Variants in HNRNPM observed in about 807,000 individuals in gnomAD.
HNRNPM encodes the protein heterogeneous nuclear ribonucleoprotein M.
In HNRNPM, 11 loss-of-function variants were observed where a neutral mutation model predicts 73.1. The observed-to-expected ratio is 0.15, with a 90% CI of 0.09 to 0.25. HNRNPM has a LOEUF of 0.25. Ranked by LOEUF, HNRNPM falls within the 10% of genes least tolerant of loss-of-function variation. The pLI is 1.00. For synonymous variants in HNRNPM, 407 were observed against 355.2 expected, an observed-to-expected ratio of 1.15 and a Z score of -1.64; for missense variants, 789 against 1,067.9, an observed-to-expected ratio of 0.74 and a Z score of 3.64.
In HNRNPM at chr19:8,467,550, A is replaced by G; in HGVS notation, c.800A>G (p.Gln267Arg). 6.2e-7 allele frequency: 1 copy of G among 1,612,748 alleles called. No homozygotes were observed. The highest frequency in any genetic ancestry group is 8.5e-7 in the Non-Finnish European group (1 of 1,178,698). The stretch of plus-strand genomic sequence containing the variant: ...GTAATACCAGCTATGTTCAATGGCC[A>G]GCTGCTATTTGATAGACCAATGCAC... The part of the protein sequence containing the change: ...AVQAISMFNG[Q>R]LLFDRPMHVK... Residue 267 changes from glutamine (Q) to arginine (R), a missense_variant, in exon 8 of 16, where the codon CAG becomes CGG. Around this residue, in one of 4 missense-constraint regions of HNRNPM, gnomAD observed 604 missense variants for 744.0 expected, o/e 0.81. Coordinates refer to ENST00000325495, the MANE Select transcript of HNRNPM (RefSeq NM_005968.5).
chr19:8,475,071 T>C (rs1568288641), intron 12 of HNRNPM, among the ~76,000 whole-genome samples: 1 of 152,244 alleles, frequency 6.6e-6, no homozygotes, highest in Non-Finnish European at 1.5e-5. Context: ...TAGTATTTCA[T>C]TTAGTCCTTG....
At chr19:8,463,752 G>T in intron 5 of HNRNPM, 66 bp downstream of exon 5, 1 of 1,103,434 alleles carries the variant, frequency 9.1e-7, no homozygotes, top group Non-Finnish European at 1.4e-6. Flanking sequence ...TTGGAATTAG[G>T]GAAAGACGGT....
At chr19:8,473,773 TTTCTTTC>T in intron 11 of HNRNPM, 65 bp downstream of exon 11, 1 of 1,038,046 alleles carries the variant, frequency 9.6e-7, no homozygotes, top group Non-Finnish European at 1.5e-6. Flanking sequence ...TCTTTCCTCT[TTTCTTTC>T]TTGTTTAAAC....
Position 8,445,413 on chromosome 19 carries a change from C to G in HNRNPM, c.113+302C>G, listed in dbSNP as rs188346748. The G allele has an allele frequency of 3.7e-3, 1,050 of 283,760 alleles. 6 individuals are homozygous for G. The highest frequency in any genetic ancestry group is 5.4e-3 in the Admixed American group (103 of 19,054). The allele number at this position is 283,760 out of a possible 1,614,324, so 17.6% of individuals were successfully genotyped here. A position where few individuals can be genotyped will look rare whatever the true frequency, so the allele number is the denominator to read the frequency against. Reference sequence around the variant, plus strand: ...CGCATGGGGGTTGATGGCGCGGGCCCGGACCGGAGAGCCTCCGAGGCCTAC... The same window carrying G: ...CGCATGGGGGTTGATGGCGCGGGCCGGGACCGGAGAGCCTCCGAGGCCTAC... On this transcript the variant is annotated intron_variant, in intron 1 of 15. Coordinates refer to ENST00000325495, the MANE Select transcript of HNRNPM (RefSeq NM_005968.5).
intron 2 of HNRNPM, among the ~76,000 whole-genome samples, chr19:8,456,864 A>G (rs780205778): frequency 1.1e-4 from 16 of 152,128 alleles, no homozygotes; most frequent in African/African-American, 2.7e-4. Context: ...ATTCCTGCCA[A>G]TGCTCCTAGG....
At chr19:8,465,014 C>T (rs1370378537) in intron 5 of HNRNPM, among the ~76,000 whole-genome samples, 2 of 152,204 alleles carry the variant, frequency 1.3e-5, no homozygotes, top group East Asian at 3.9e-4. Flanking sequence ...GCTCTAATTT[C>T]AGTCTGGCGG....
intron 5 of HNRNPM, among the ~76,000 whole-genome samples, chr19:8,464,686 A>C (rs181189208): frequency 6.6e-6 from 1 of 152,158 alleles, no homozygotes; most frequent in Non-Finnish European, 1.5e-5. Context: ...GAGGAAGATG[A>C]GTAGATTCAG....
At chr19:8,488,652 C>T (rs771427264) in intron 15 of HNRNPM, 39 bp from the exon 16 acceptor site, 28 of 1,579,382 alleles carry the variant, frequency 1.8e-5, no homozygotes, top group African/African-American at 4.1e-5. Context: ...CTAACAAAAT[C>T]GGGACTGAGT....
intron 12 of HNRNPM, 108 bp from the exon 13 acceptor site, chr19:8,483,050 A>G (rs1179677997): frequency 7.1e-6 from 5 of 707,258 alleles, no homozygotes; most frequent in East Asian, 2.6e-5. Flanking sequence ...CTTTCCCTTT[A>G]TCTTGTCATT....
chr19:8,465,290 C>T (rs1427593047), intron 5 of HNRNPM, 34 bp from the exon 6 acceptor site: 2 of 1,541,878 alleles, frequency 1.3e-6, no homozygotes, highest in Non-Finnish European at 8.8e-7. Context: ...TGTACTGGGT[C>T]AGTTAAACGT....
chr19:8,473,611 G>A (rs750371555), intron 10 of HNRNPM, 53 bp from the exon 11 acceptor site: 12 of 1,111,434 alleles, frequency 1.1e-5, no homozygotes, highest in Admixed American at 3.7e-5. Context: ...AAGTTCAAAC[G>A]TTATTTACTG....
intron 2 of HNRNPM, among the ~76,000 whole-genome samples, chr19:8,459,502 G>T (rs145434669): frequency 1.4e-4 from 21 of 152,162 alleles, no homozygotes; most frequent in Non-Finnish European, 2.8e-4. Context: ...CAATAGAGTG[G>T]CAGCCTGAGA....
At chr19:8,475,819 A>G (rs1055238882) in intron 12 of HNRNPM, among the ~76,000 whole-genome samples, 6 of 151,892 alleles carry the variant, frequency 4.0e-5, no homozygotes, top group Admixed American at 2.0e-4. Context: ...TGTAATCCCA[A>G]CACTTTGGGA....
chr19:8,453,839 G>A (rs1329304564), intron 1 of HNRNPM, among the ~76,000 whole-genome samples: 1 of 152,210 alleles, frequency 6.6e-6, no homozygotes, highest in Non-Finnish European at 1.5e-5. Context: ...GCCAGTGCCC[G>A]GGCTTCCAAG....
At chr19:8,461,998 G>A (rs1449371409) in intron 2 of HNRNPM, 1 of 153,722 alleles carries the variant, frequency 6.5e-6, no homozygotes, top group Non-Finnish European at 1.5e-5. Flanking sequence ...GCCCCTGAGT[G>A]CGGGGCTCTG....
chr19:8,479,957 T>G (rs1406129439), intron 12 of HNRNPM, among the ~76,000 whole-genome samples: 2 of 148,654 alleles, frequency 1.3e-5, no homozygotes, highest in Non-Finnish European at 3.0e-5. Flanking sequence ...TGTATTTTTG[T>G]AGAGATGGGG....
rs374950212 is a variant in HNRNPM at position 8,463,699 on chromosome 19, T to C, written c.438+13T>C. 24 of 1,545,408 alleles carry C rather than the reference T, an allele frequency of 1.6e-5. No homozygotes were observed. Among genetic ancestry groups the C allele is most frequent in the Non-Finnish European group, 2.1e-5 (24 of 1,117,808 alleles). On this transcript the variant is annotated intron_variant, in intron 5 of 15. Coordinates refer to ENST00000325495, the MANE Select transcript of HNRNPM (RefSeq NM_005968.5). ...GAAAGTCAAAGAAGTAAGCTCTTGC[T>C]TAACACTGCGGATACTGTGTGTAAT...
chr19:8,476,419 C>CTGCT (rs1408319410), intron 12 of HNRNPM, among the ~76,000 whole-genome samples: 1 of 152,168 alleles, frequency 6.6e-6, no homozygotes, highest in African/African-American at 2.4e-5. Flanking sequence ...TCCCATCAGA[C>CTGCT]TGCTGGTCAT....
Position 8,456,135 on chromosome 19 carries a change from A to C in HNRNPM, c.283+561A>C, listed in dbSNP as rs1969007458. On this transcript the variant is annotated intron_variant, in intron 2 of 15. Transcript: ENST00000325495. ...TGGGAAAAAATAGAGTAGACTGGCC[A>C]TTGGAGAGCTCAAAATAAGGTATCT... Among the ~76,000 whole-genome samples the C allele has an allele frequency of 2.0e-5, 3 of 152,072 alleles. No homozygotes were observed. The South Asian group carries it at 6.2e-4, about 32-fold the overall frequency.
Sources: gnomAD v4.1 joint callset for allele counts (sites outside exome capture counted in the v4.1 genomes callset) on GRCh38, gnomAD v4.1.1 for gene constraint, gnomAD v4.1.1 regional missense constraint, MANE v1.5 for transcripts, NCBI Gene and HGNC (gene_info 2026-07-23, HGNC 2026-07-21) for gene names.